GPD1L: variants seen among roughly 807,000 people sequenced by gnomAD.
GPD1L encodes glycerol-3-phosphate dehydrogenase 1-like protein.
GPD1L carries 17 observed loss-of-function variants against 32.9 expected under a neutral mutation model. That is an observed-to-expected ratio of 0.52 (90% CI 0.35 to 0.78). GPD1L has a LOEUF of 0.78. GPD1L is among the 30% of genes least tolerant of loss of function. The probability of loss-of-function intolerance (pLI) is 0.01; values close to 1 mark genes in which losing one functional copy is unlikely to be tolerated. For missense variants in GPD1L, 361 were observed against 447.8 expected, an observed-to-expected ratio of 0.81 and a Z score of 1.75; for synonymous variants, 187 against 165.9, an observed-to-expected ratio of 1.13 and a Z score of -0.98.
At chr3:32,117,903 A>G (rs550444733) in intron 1 of GPD1L, among the ~76,000 whole-genome samples, 16 of 152,058 alleles carry the variant, frequency 1.1e-4, no homozygotes, top group Non-Finnish European at 2.2e-4. Flanking sequence ...TCCTCCATTC[A>G]CTCAGATGAA....
chr3:32,121,505 CTATATATATT>C lies in GPD1L; in HGVS notation c.48-6569_48-6560del, dbSNP rs1559570450. Among the ~76,000 whole-genome samples the C allele has an allele frequency of 3.0e-4, 20 of 65,930 alleles. 2 individuals carry two copies. The highest frequency in any genetic ancestry group is 5.9e-4 in the African/African-American group (6 of 10,186). The allele number at this position is 65,930 out of a possible 152,430, so 43.3% of individuals were successfully genotyped here. On this transcript the variant is annotated intron_variant, in intron 1 of 7. Coordinates refer to ENST00000282541, the MANE Select transcript of GPD1L (RefSeq NM_015141.4). ...TATTTCTCTCTATATATATTTCTCT[CTATATATATT>C]TCTCTCTATATATATTTCTATGTAT...
chr3:32,112,623 G>T (rs1470396176), intron 1 of GPD1L, among the ~76,000 whole-genome samples: 2 of 152,022 alleles, frequency 1.3e-5, no homozygotes, highest in African/African-American at 4.8e-5. Flanking sequence ...GGTGACAGGA[G>T]GGAAACCCTA....
In GPD1L at chr3:32,166,005, T is replaced by G; in HGVS notation, c.*95T>G. On this transcript the variant is annotated 3_prime_UTR_variant, in exon 8 of 8. Transcript: ENST00000282541. ...AGGACTTGGCAACATGATGTTTGAC[T>G]GTAATCTCATCACGGATATGTATGA... 2.6e-6 allele frequency: 2 copies of G among 765,754 alleles called. No individual in the cohort carries two copies. The highest frequency in any genetic ancestry group is 1.7e-5 in the African/African-American group (1 of 58,518). The allele number at this position is 765,754 out of a possible 1,614,324, so 47.4% of individuals were successfully genotyped here. A position where few individuals can be genotyped will look rare whatever the true frequency, so the allele number is the denominator to read the frequency against.
At position 32,159,025 on chromosome 3, in the gene GPD1L, G is replaced by A; in HGVS notation, c.768G>A (p.Glu256=). ...AAGTGTCTACAGCCACCTTCCTAGA[G>A]AGCTGCGGGGTGGCCGACCTGATCA... is the stretch of plus-strand genomic sequence containing the variant. The part of the protein sequence containing the change: ...KGQVSTATFL[E]SCGVADLITT... Residue 256 remains glutamate, a synonymous_variant, in exon 6 of 8, where the codon GAG becomes GAA. Coordinates refer to ENST00000282541, the MANE Select transcript of GPD1L (RefSeq NM_015141.4). The A allele has an allele frequency of 6.2e-7, 1 of 1,614,054 alleles. No individual in the cohort carries two copies. The highest frequency in any genetic ancestry group is 8.5e-7 in the Non-Finnish European group (1 of 1,180,048).
At chr3:32,130,372 A>G (rs1700568735) in intron 2 of GPD1L, among the ~76,000 whole-genome samples, 1 of 152,146 alleles carries the variant, frequency 6.6e-6, no homozygotes, top group Non-Finnish European at 1.5e-5. Flanking sequence ...GCCACCTAAA[A>G]GTACAGTTTT....
intron 4 of GPD1L, among the ~76,000 whole-genome samples, chr3:32,143,891 A>G (rs1177967246): frequency 6.6e-6 from 1 of 152,100 alleles, no homozygotes; most frequent in African/African-American, 2.4e-5. Flanking sequence ...CTGAGATGAG[A>G]GGATTGCTTC....
chr3:32,141,757 A>G (rs1038632128), intron 4 of GPD1L, among the ~76,000 whole-genome samples: 1 of 152,208 alleles, frequency 6.6e-6, no homozygotes, highest in Admixed American at 6.5e-5. Context: ...CCCTCTTCCC[A>G]GAGGGAATCA....
At chr3:32,159,518 C>G in intron 6 of GPD1L, 50 bp from the exon 7 acceptor site, 7 of 1,000,550 alleles carry the variant, frequency 7.0e-6, no homozygotes, top group Non-Finnish European at 1.1e-5. Flanking sequence ...ATAAATGATT[C>G]TTTAGTCTTT....
intron 3 of GPD1L, 37 bp downstream of exon 3, chr3:32,138,764 G>T (rs758316011): frequency 5.0e-6 from 8 of 1,607,476 alleles, no homozygotes; most frequent in Middle Eastern, 1.7e-4. Flanking sequence ...CTAGACATTG[G>T]TTATCAGGAA....
rs1421588129 is a variant in GPD1L at position 32,166,507 on chromosome 3, T to G, written c.*597T>G. 2 of 155,674 alleles carry G rather than the reference T, an allele frequency of 1.3e-5. No individual in the cohort carries two copies. The highest frequency in any genetic ancestry group is 1.3e-4 in the Admixed American group (2 of 15,826). 9.6% of individuals were successfully genotyped at this position (155,674 alleles called of 1,614,324 possible). A position where few individuals can be genotyped will look rare whatever the true frequency, so the allele number is the denominator to read the frequency against. On this transcript the variant is annotated 3_prime_UTR_variant, in exon 8 of 8. Transcript: ENST00000282541. ...CCCCTCACTGCAGTTGTCTGCATTTTTAGCCTCTTTTCTCTTCGTTAGTTG... is the reference window on the plus strand; with the variant it reads ...CCCCTCACTGCAGTTGTCTGCATTTGTAGCCTCTTTTCTCTTCGTTAGTTG...
At chr3:32,131,034 C>T (rs1042938627) in intron 2 of GPD1L, among the ~76,000 whole-genome samples, 3 of 150,438 alleles carry the variant, frequency 2.0e-5, no homozygotes, top group East Asian at 2.1e-4. Context: ...TAGAATGCTC[C>T]GTTTAAAAAA....
intron 2 of GPD1L, among the ~76,000 whole-genome samples, chr3:32,133,900 TTTTA>T (rs1483660626): frequency 1.1e-4 from 16 of 152,316 alleles, no homozygotes; most frequent in Admixed American, 2.0e-4. Flanking sequence ...TTCCAATGGT[TTTTA>T]TTTATTATTA....
intron 5 of GPD1L, among the ~76,000 whole-genome samples, chr3:32,156,980 A>T (rs1354845068): frequency 6.6e-6 from 1 of 152,004 alleles, no homozygotes; most frequent in Non-Finnish European, 1.5e-5. Context: ...GTGTGGTTAG[A>T]CAGTTGGATA....
intron 7 of GPD1L, among the ~76,000 whole-genome samples, chr3:32,163,173 T>C (rs1321105719): frequency 5.0e-5 from 7 of 138,724 alleles, no homozygotes; most frequent in African/African-American, 1.9e-4. Context: ...TTTTTTTTTT[T>C]TTTTTTTTTT....
At chr3:32,128,627 T>A (rs944154297) in intron 2 of GPD1L, among the ~76,000 whole-genome samples, 3 of 152,182 alleles carry the variant, frequency 2.0e-5, no homozygotes, top group Non-Finnish European at 4.4e-5. Flanking sequence ...TGTCATAATC[T>A]CCTCTTATAA....
At chr3:32,144,822 AACACACAC>A (rs60130762) in intron 4 of GPD1L, among the ~76,000 whole-genome samples, 1 of 142,060 alleles carries the variant, frequency 7.0e-6, no homozygotes, top group Non-Finnish European at 1.5e-5. Flanking sequence ...AGTAGCTGGG[AACACACAC>A]ACACACACAC....
Position 32,139,774 on chromosome 3 carries a change from A to T in GPD1L, c.367-454A>T, listed in dbSNP as rs144022949. ...AAGTTTGATGCAGCCACATGAGTGA[A>T]TCTCTAAAACGGTATTGTAGTTCAA... is the stretch of plus-strand genomic sequence containing the variant. On this transcript the variant is annotated intron_variant, in intron 3 of 7. Coordinates refer to ENST00000282541, the MANE Select transcript of GPD1L (RefSeq NM_015141.4). Among the ~76,000 whole-genome samples the T allele has an allele frequency of 3.7e-3, 564 of 152,352 alleles. 3 individuals carry two copies. The highest frequency in any genetic ancestry group is 0.013 in the African/African-American group (537 of 41,578).
chr3:32,141,341 AAAAG>A (rs1160174750), intron 4 of GPD1L, among the ~76,000 whole-genome samples: 2 of 152,202 alleles, frequency 1.3e-5, no homozygotes, highest in African/African-American at 4.8e-5. Flanking sequence ...AGAGATAATC[AAAAG>A]AAAGCCATTT....
chr3:32,123,791 A>AAGATAGATGGAT (rs1700459537), intron 1 of GPD1L, among the ~76,000 whole-genome samples: 3 of 126,890 alleles, frequency 2.4e-5, no homozygotes, highest in African/African-American at 5.7e-5. Context: ...CAGGAATTGA[A>AAGATAGATGGAT]AGATAGATAG....
Sources: gnomAD v4.1 joint callset for allele counts (sites outside exome capture counted in the v4.1 genomes callset) on GRCh38, gnomAD v4.1.1 for gene constraint, MANE v1.5 for transcripts, NCBI Gene and HGNC (gene_info 2026-07-23, HGNC 2026-07-21) for gene names.